The following IFNGR2 variants were observed in gnomAD, a reference collection of about 807,000 sequenced individuals.
IFNGR2 encodes the protein interferon gamma receptor 2.
A neutral mutation model predicts 41.1 loss-of-function variants in IFNGR2; 15 were observed. The ratio of observed to expected loss-of-function variants is 0.37; its 90% CI spans 0.24 to 0.56. The LOEUF (loss-of-function observed/expected upper bound fraction) is 0.56, where lower values mean the gene tolerates loss of function less well. IFNGR2 is among the 20% of genes least tolerant of loss of function. IFNGR2 has a pLI of 0.81. For synonymous variants in IFNGR2, 161 were observed against 171.6 expected, an observed-to-expected ratio of 0.94 and a Z score of 0.48; for missense variants, 362 against 415.7, an observed-to-expected ratio of 0.87 and a Z score of 1.12.
At chr21:33,419,105 C>CTTAT (rs1157614047) in intron 2 of IFNGR2, among the ~76,000 whole-genome samples, 4 of 151,886 alleles carry the variant, frequency 2.6e-5, no homozygotes, top group Admixed American at 6.6e-5. Context: ...TTTATTTTAT[C>CTTAT]TTATTTATTT....
intron 3 of IFNGR2, among the ~76,000 whole-genome samples, chr21:33,423,803 G>A (rs2083814392): frequency 6.7e-6 from 1 of 150,300 alleles, no homozygotes; most frequent in South Asian, 2.1e-4. Context: ...GATGAGCCTG[G>A]GGAATATAGC....
intron 2 of IFNGR2, among the ~76,000 whole-genome samples, chr21:33,416,925 C>CTT (rs554788768): frequency 2.7e-4 from 35 of 128,230 alleles, no homozygotes; most frequent in African/African-American, 5.7e-4. Context: ...TTTTCTTTTT[C>CTT]TTTTTTTTTT....
Position 33,436,485 on chromosome 21 carries a change from G to A in IFNGR2, c.880-343G>A, listed in dbSNP as rs17885882. 2.1e-3 allele frequency among the ~76,000 whole-genome samples: 314 copies of A among 152,352 alleles called. 2 individuals carry two copies. The highest frequency in any genetic ancestry group is 7.0e-3 in the African/African-American group (290 of 41,586). On this transcript the variant is annotated intron_variant, in intron 6 of 6. Coordinates refer to ENST00000290219, the MANE Select transcript of IFNGR2 (RefSeq NM_005534.4). ...CGCCTATAATCCCAGCACTTTGGGA[G>A]GCCAAGGTGGGTGGATCATTTGCGA...
chr21:33,404,022 C>A (rs992759670), intron 1 of IFNGR2, among the ~76,000 whole-genome samples: 17 of 152,238 alleles, frequency 1.1e-4, no homozygotes, highest in African/African-American at 3.6e-4. Flanking sequence ...CCACCTCCCC[C>A]ACCCGCGCGC....
At chr21:33,430,690 T>A (rs2083878422) in intron 4 of IFNGR2, among the ~76,000 whole-genome samples, 1 of 152,186 alleles carries the variant, frequency 6.6e-6, no homozygotes, top group Non-Finnish European at 1.5e-5. Context: ...TGGACTCAAG[T>A]GATCCTCCCA....
intron 1 of IFNGR2, among the ~76,000 whole-genome samples, chr21:33,414,480 G>A (rs1200028257): frequency 6.6e-6 from 1 of 152,222 alleles, no homozygotes; most frequent in African/African-American, 2.4e-5. Flanking sequence ...CCACAGCCCT[G>A]TGGGTGTATC....
In IFNGR2 at chr21:33,403,624, G is replaced by A. The variant is rs767210895; in HGVS notation, c.73+8G>A. 1.5e-6 allele frequency: 2 copies of A among 1,320,030 alleles called. No homozygotes were observed. Among genetic ancestry groups the A allele is most frequent in the African/African-American group, 1.6e-5 (1 of 64,400 alleles). 81.8% of individuals were successfully genotyped at this position (1,320,030 alleles called of 1,614,324 possible). ...CCGCCGCGGCCCCGCCAGGTGAGCCGGGCCTGGGCCTCCGCGGCGGGACGC... is the reference window on the plus strand; with the variant it reads ...CCGCCGCGGCCCCGCCAGGTGAGCCAGGCCTGGGCCTCCGCGGCGGGACGC... On this transcript the variant is annotated splice_region_variant and intron_variant, in intron 1 of 6. Coordinates refer to ENST00000290219, the MANE Select transcript of IFNGR2 (RefSeq NM_005534.4).
At chr21:33,436,777 G>A in intron 6 of IFNGR2, 51 bp from the exon 7 acceptor site, 2 of 1,487,874 alleles carry the variant, frequency 1.3e-6, no homozygotes, top group Non-Finnish European at 1.9e-6. Context: ...AAAAGGTCTG[G>A]TATACTGAAC....
intron 2 of IFNGR2, among the ~76,000 whole-genome samples, chr21:33,419,328 G>A (rs547877856): frequency 1.3e-5 from 2 of 152,106 alleles, no homozygotes; most frequent in South Asian, 2.1e-4. Context: ...GGCTGGTTTC[G>A]AACTCCTCAC....
intron 6 of IFNGR2, 98 bp from the exon 7 acceptor site, chr21:33,436,729 AT>A: frequency 4.0e-6 from 4 of 994,666 alleles, no homozygotes; most frequent in Non-Finnish European, 5.9e-6. Context: ...CAAAAAAAAA[AT>A]AAAAATAAAA....
intron 2 of IFNGR2, among the ~76,000 whole-genome samples, chr21:33,419,997 C>A (rs1284767518): frequency 6.6e-6 from 1 of 152,176 alleles, no homozygotes; most frequent in African/African-American, 2.4e-5. Flanking sequence ...GCACGCCCCT[C>A]ACCCCCGACC....
intron 6 of IFNGR2, among the ~76,000 whole-genome samples, chr21:33,436,266 T>C (rs1386677765): frequency 1.3e-5 from 2 of 151,370 alleles, no homozygotes; most frequent in Admixed American, 6.6e-5. Flanking sequence ...GAGGCAGAGG[T>C]TGCAGTGAGA....
intron 1 of IFNGR2, among the ~76,000 whole-genome samples, chr21:33,412,970 A>G (rs1232257145): frequency 6.6e-6 from 1 of 152,178 alleles, no homozygotes; most frequent in Non-Finnish European, 1.5e-5. Flanking sequence ...CCAGGTTTGG[A>G]AGAAGCCTGT....
intron 2 of IFNGR2, among the ~76,000 whole-genome samples, chr21:33,416,928 T>TC (rs1351985748): frequency 6.8e-6 from 1 of 147,954 alleles, no homozygotes; most frequent in East Asian, 1.9e-4. Flanking sequence ...TCTTTTTCTT[T>TC]TTTTTTTTTT....
chr21:33,412,039 T>C (rs2083720855), intron 1 of IFNGR2, among the ~76,000 whole-genome samples: 1 of 152,128 alleles, frequency 6.6e-6, no homozygotes, highest in Non-Finnish European at 1.5e-5. Context: ...TCCTCCCGCC[T>C]CAGCCCCTTG....
At position 33,427,424 on chromosome 21, in the gene IFNGR2, C is replaced by T. The variant is rs185459305; in HGVS notation, c.561+392C>T. Among the ~76,000 whole-genome samples the T allele has an allele frequency of 2.6e-3, 395 of 152,256 alleles. 2 individuals carry two copies. Among genetic ancestry groups the T allele is most frequent in the Non-Finnish European group, 4.4e-3 (296 of 68,022 alleles). The stretch of plus-strand genomic sequence containing the variant: ...AGGCTTAACTGTATAAATGTTTGAA[C>T]AGTTTGTGAAAAGGGCACATGCGAA... On this transcript the variant is annotated intron_variant, in intron 4 of 6. Transcript: ENST00000290219.
intron 1 of IFNGR2, chr21:33,410,759 C>T (rs775230253): frequency 5.3e-5 from 53 of 997,176 alleles, no homozygotes; most frequent in Admixed American, 1.0e-4. Context: ...TGAGCCACCA[C>T]GCCCATCCAA....
At chr21:33,407,324 C>T (rs17885509) in intron 1 of IFNGR2, among the ~76,000 whole-genome samples, 31,380 of 151,856 alleles carry the variant, frequency 0.21, 4,039 homozygotes, top group East Asian at 0.42. Context: ...AAAACCATTG[C>T]ATGTGAATGT....
Position 33,421,600 on chromosome 21 carries a change from C to T in IFNGR2, c.327C>T (p.Phe109=), listed in dbSNP as rs2083792813. ...ASPSAGFPMD[F]NVTLRLRAEL... is the part of the protein sequence containing the mutation. ...CCTCAGCAGGCTTCCCAATGGATTTCAATGTCACTCTACGCCTTCGAGCTG... is the reference window on the plus strand; with the variant it reads ...CCTCAGCAGGCTTCCCAATGGATTTTAATGTCACTCTACGCCTTCGAGCTG... Residue 109 remains phenylalanine (F), a synonymous_variant, in exon 3 of 7, where the codon TTC becomes TTT. Coordinates refer to ENST00000290219, the MANE Select transcript of IFNGR2 (RefSeq NM_005534.4). The T allele has an allele frequency of 1.9e-6, 3 of 1,614,116 alleles. No individual in the cohort carries two copies. Among genetic ancestry groups the T allele is most frequent in the Non-Finnish European group, 2.5e-6 (3 of 1,179,992 alleles).
Sources: allele counts gnomAD v4.1 joint callset (sites outside exome capture counted in the v4.1 genomes callset), GRCh38; gene constraint gnomAD v4.1.1; transcripts MANE v1.5; gene names NCBI Gene and HGNC (gene_info 2026-07-23, HGNC 2026-07-21).